Variants in IKBKB observed in about 807,000 individuals in gnomAD.
IKBKB encodes inhibitor of nuclear factor kappa B kinase subunit beta.
IKBKB carries 42 observed loss-of-function variants against 113.6 expected under a neutral mutation model. That is an observed-to-expected ratio of 0.37 (90% CI 0.29 to 0.48). The LOEUF (loss-of-function observed/expected upper bound fraction) is 0.48. Ranked by LOEUF, IKBKB falls within the 20% of genes least tolerant of loss-of-function variation. IKBKB has a pLI of 0.99. For synonymous variants in IKBKB, 296 were observed against 361.3 expected (o/e 0.82, Z 2.05); for missense variants, 673 against 939.7 (o/e 0.72, Z 3.71).
chr8:42,315,691 C>T (rs1818551615), intron 9 of IKBKB, among the ~76,000 whole-genome samples: 1 of 54,950 alleles, frequency 1.8e-5, no homozygotes, highest in Non-Finnish European at 1.1e-4. Flanking sequence ...ACAGAGTCTC[C>T]CTCTTGTCAC....
intron 13 of IKBKB, chr8:42,318,909 G>T: frequency 1.9e-6 from 1 of 536,838 alleles, no homozygotes; most frequent in Non-Finnish European, 3.3e-6. Context: ...ACTGAAGCTG[G>T]GCTGGCCAAG....
chr8:42,317,541 T>C (rs1481426206), intron 11 of IKBKB, 116 bp from the exon 12 acceptor site: 2 of 710,910 alleles, frequency 2.8e-6, no homozygotes, highest in Non-Finnish European at 5.1e-6. Flanking sequence ...TCCTACTTGC[T>C]GGCTGAAGAT....
At chr8:42,330,416 C>T (rs1710647789) in intron 21 of IKBKB, 1 of 598,058 alleles carries the variant, frequency 1.7e-6, no homozygotes, top group African/African-American at 2.0e-5. Context: ...GAACTCCTGG[C>T]CTCAAGCGAT....
chr8:42,326,434 T>C (rs1343473248), intron 20 of IKBKB: 3 of 235,574 alleles, frequency 1.3e-5, no homozygotes, highest in South Asian at 5.5e-5. Context: ...CCACTCACCC[T>C]ACCAGTACCT....
chr8:42,283,166 T>C (rs1054434589), intron 2 of IKBKB, among the ~76,000 whole-genome samples: 5 of 152,180 alleles, frequency 3.3e-5, no homozygotes, highest in African/African-American at 1.2e-4. Context: ...CCAGTGTTTG[T>C]GTTGGGCAAA....
chr8:42,276,585 CAGA>C (rs1189010625), intron 2 of IKBKB, among the ~76,000 whole-genome samples: 1 of 152,098 alleles, frequency 6.6e-6, no homozygotes, highest in Non-Finnish European at 1.5e-5. Context: ...TTTTGCTGTG[CAGA>C]AGCTTTTTAG....
At chr8:42,298,962 G>A (rs9298623) in intron 5 of IKBKB, among the ~76,000 whole-genome samples, 8,957 of 152,134 alleles carry the variant, frequency 0.059, 810 homozygotes, top group African/African-American at 0.2. Flanking sequence ...CTGGCTGCCC[G>A]CTGCTCCTCG....
At chr8:42,320,894 C>A in intron 16 of IKBKB, 50 bp downstream of exon 16, 1 of 1,242,004 alleles carries the variant, frequency 8.1e-7, no homozygotes. Context: ...ACAGACAGCC[C>A]TGGAGCTTCG....
chr8:42,314,470 C>G (rs769301243), intron 9 of IKBKB, 41 bp downstream of exon 9: 1 of 1,323,350 alleles, frequency 7.6e-7, no homozygotes, highest in Non-Finnish European at 1.1e-6. Flanking sequence ...ATCTTTCTTG[C>G]TTTTTTTAGA....
chr8:42,274,610 G>A, intron 2 of IKBKB, among the ~76,000 whole-genome samples: 1 of 151,838 alleles, frequency 6.6e-6, no homozygotes, highest in East Asian at 1.9e-4. Context: ...TTGGCTCACT[G>A]CAACCTCTGC....
chr8:42,301,502 T>C (rs986946435), intron 5 of IKBKB, among the ~76,000 whole-genome samples: 2 of 152,258 alleles, frequency 1.3e-5, no homozygotes, highest in African/African-American at 2.4e-5. Context: ...TGAAAGCTTA[T>C]TCTCTGCAGG....
In IKBKB at chr8:42,320,861, G is replaced by T; in HGVS notation, c.1688+17G>T. ...GGACGACCTGTGAGTACTGGCTGGG[G>T]GGCCCCTCTGTGCCCAGCACACACA... On this transcript the variant is annotated intron_variant, in intron 16 of 21. Transcript: ENST00000520810. The T allele has an allele frequency of 2.6e-6, 4 of 1,529,840 alleles. No homozygotes were observed. The highest frequency in any genetic ancestry group is 3.6e-6 in the Non-Finnish European group (4 of 1,125,140). The allele number at this position is 1,529,840 out of a possible 1,614,324, so 94.8% of individuals were successfully genotyped here.
At chr8:42,317,610 G>C (rs936005811) in intron 11 of IKBKB, 47 bp from the exon 12 acceptor site, 1 of 1,240,168 alleles carries the variant, frequency 8.1e-7, no homozygotes, top group Non-Finnish European at 1.2e-6. Flanking sequence ...AGTTAGAAAA[G>C]AGAGGGTTGG....
Position 42,305,174 on chromosome 8 carries a change from C to T in IKBKB, c.389-13C>T, listed in dbSNP as rs1310050935. The T allele has an allele frequency of 2.5e-6, 4 of 1,602,760 alleles. No homozygotes were observed. Among genetic ancestry groups the T allele is most frequent in the East Asian group, 2.2e-5 (1 of 44,822 alleles). ...TTTTAGGCCTAAGAAAAACTCACCC[C>T]CCTCTTCCTCAGCCTCTGCGCTTAG... On this transcript the variant is annotated splice_polypyrimidine_tract_variant and intron_variant, in intron 5 of 21. Transcript: ENST00000520810.
intron 12 of IKBKB, 136 bp from the exon 13 acceptor site, chr8:42,318,416 A>G: frequency 2.1e-6 from 2 of 943,468 alleles, no homozygotes; most frequent in East Asian, 4.9e-5. Flanking sequence ...ACCAGGCATA[A>G]CACCCTCCAA....
chr8:42,291,631 A>T (rs1287810430), intron 4 of IKBKB, among the ~76,000 whole-genome samples: 1 of 151,984 alleles, frequency 6.6e-6, no homozygotes, highest in Non-Finnish European at 1.5e-5. Context: ...TGCTGTTCTC[A>T]CTGTTCCTCC....
chr8:42,320,473 A>C (rs1052477274), intron 15 of IKBKB: 2 of 406,770 alleles, frequency 4.9e-6, no homozygotes, highest in Non-Finnish European at 8.9e-6. Flanking sequence ...GACTCCTCAG[A>C]TGGCCCTGTT....
At chr8:42,277,534 G>A (rs765678231) in intron 2 of IKBKB, among the ~76,000 whole-genome samples, 8 of 152,056 alleles carry the variant, frequency 5.3e-5, no homozygotes, top group Non-Finnish European at 1.2e-4. Flanking sequence ...TCCTCCTGCC[G>A]GCTGAACCCC....
intron 4 of IKBKB, 142 bp from the exon 5 acceptor site, chr8:42,293,301 C>T: frequency 1.1e-6 from 1 of 951,408 alleles, no homozygotes; most frequent in Non-Finnish European, 1.6e-6. Context: ...AGTTCTGCAG[C>T]CCTGGCTTCC....
Sources: allele counts gnomAD v4.1 joint callset (sites outside exome capture counted in the v4.1 genomes callset), GRCh38; gene constraint gnomAD v4.1.1; transcripts MANE v1.5; gene names NCBI Gene and HGNC (gene_info 2026-07-23, HGNC 2026-07-21).